KIF6: variants seen among roughly 807,000 people sequenced by gnomAD.
The protein encoded by KIF6 is kinesin-like protein KIF6.
Under a neutral mutation model 112.7 loss-of-function variants are expected in KIF6, and 106 were observed. That is an observed-to-expected ratio of 0.94 (90% CI 0.80 to 1.11). The LOEUF is 1.11. KIF6 is among the 50% of genes least tolerant of loss of function. KIF6 has a pLI of 0.00. For synonymous variants in KIF6, 339 were observed against 339.9 expected (o/e 1.00, Z 0.03); for missense variants, 929 against 964.0 (o/e 0.96, Z 0.48).
chr6:39,364,617 T>C (rs1289590044), intron 16 of KIF6, among the ~76,000 whole-genome samples: 1 of 152,252 alleles, frequency 6.6e-6, no homozygotes, highest in South Asian at 2.1e-4. Flanking sequence ...GGTGAATTAC[T>C]AACAATGACC....
At chr6:39,723,716 G>A (rs1263475659) in intron 1 of KIF6, among the ~76,000 whole-genome samples, 4 of 152,086 alleles carry the variant, frequency 2.6e-5, no homozygotes, top group Non-Finnish European at 5.9e-5. Context: ...CACACAGGGA[G>A]GGGAACATCA....
At chr6:39,532,088 G>A (rs78162714) in intron 13 of KIF6, among the ~76,000 whole-genome samples, 9,960 of 152,138 alleles carry the variant, frequency 0.065, 426 homozygotes, top group Middle Eastern at 0.15. Flanking sequence ...GGTCTTAACC[G>A]GAGGTTGGCT....
chr6:39,473,847 T>C (rs997557129), intron 13 of KIF6, among the ~76,000 whole-genome samples: 5 of 152,208 alleles, frequency 3.3e-5, no homozygotes, highest in African/African-American at 1.2e-4. Context: ...AGGAGCTTCA[T>C]TGATTAATTT....
intron 10 of KIF6, among the ~76,000 whole-genome samples, chr6:39,565,232 T>G (rs1431032182): frequency 1.3e-5 from 2 of 152,260 alleles, no homozygotes; most frequent in African/African-American, 4.8e-5. Context: ...TTCTTTGTGC[T>G]CCTGATCTTT....
At position 39,436,706 on chromosome 6, in the gene KIF6, T is replaced by A. The variant is rs543007051; in HGVS notation, c.1646-5545A>T. Among the ~76,000 whole-genome samples, 29 of 152,318 alleles carry A rather than the reference T, an allele frequency of 1.9e-4. No individual in the cohort carries two copies. In the South Asian group the frequency reaches 2.7e-3, roughly 14 times the overall value. On this transcript the variant is annotated intron_variant, in intron 13 of 22. Coordinates refer to ENST00000287152, the MANE Select transcript of KIF6 (RefSeq NM_145027.6). Reference sequence around the variant, plus strand: ...ATTTGCTTTATTTCTGCATTCTCTATTCTGTTCCATTGGTCTGTGTGTCTA... The same window carrying A: ...ATTTGCTTTATTTCTGCATTCTCTAATCTGTTCCATTGGTCTGTGTGTCTA...
intron 3 of KIF6, among the ~76,000 whole-genome samples, chr6:39,640,645 C>A (rs186862793): frequency 6.6e-6 from 1 of 152,136 alleles, no homozygotes; most frequent in South Asian, 2.1e-4. Context: ...GAATTCCTCC[C>A]TATTAGTTCT....
At chr6:39,720,158 G>A (rs777058393) in intron 2 of KIF6, among the ~76,000 whole-genome samples, 22 of 151,972 alleles carry the variant, frequency 1.4e-4, no homozygotes, top group Non-Finnish European at 2.1e-4. Flanking sequence ...TTTCCTTCAT[G>A]CTAAGTCTTC....
At chr6:39,365,916 T>C (rs1765524977) in intron 16 of KIF6, among the ~76,000 whole-genome samples, 1 of 152,050 alleles carries the variant, frequency 6.6e-6, no homozygotes, top group Non-Finnish European at 1.5e-5. Context: ...CAGCAGAAGG[T>C]AGGGGGGACG....
intron 10 of KIF6, among the ~76,000 whole-genome samples, chr6:39,565,498 T>C (rs754987196): frequency 4.9e-4 from 75 of 152,184 alleles, no homozygotes; most frequent in Admixed American, 1.8e-3. Flanking sequence ...TAAATCTCAA[T>C]ACCTCCTCTT....
chr6:39,527,886 T>C (rs1056660816), intron 13 of KIF6, among the ~76,000 whole-genome samples: 8 of 152,236 alleles, frequency 5.3e-5, no homozygotes, highest in Non-Finnish European at 1.0e-4. Context: ...AGGTACAAAG[T>C]GATGTCATGA....
chr6:39,398,749 G>A (rs1370632473), intron 15 of KIF6, among the ~76,000 whole-genome samples: 1 of 152,200 alleles, frequency 6.6e-6, no homozygotes, highest in Non-Finnish European at 1.5e-5. Flanking sequence ...CAGAGCTAGA[G>A]ATTAAAAAAT....
intron 13 of KIF6, among the ~76,000 whole-genome samples, chr6:39,456,783 C>T (rs1436912467): frequency 8.6e-6 from 1 of 115,934 alleles, no homozygotes; most frequent in Non-Finnish European, 1.7e-5. Context: ...AAGGCCATTA[C>T]ATAATGGTAA....
At chr6:39,695,137 C>A (rs1216342469) in intron 3 of KIF6, among the ~76,000 whole-genome samples, 1 of 152,050 alleles carries the variant, frequency 6.6e-6, no homozygotes, top group Admixed American at 6.6e-5. Flanking sequence ...TCAAACTGGA[C>A]CCCTACCTCT....
chr6:39,458,352 G>A lies in KIF6; in HGVS notation c.1646-27191C>T, dbSNP rs1773275960. Among the ~76,000 whole-genome samples the A allele has an allele frequency of 6.8e-5, 10 of 146,960 alleles. No homozygotes were observed. The South Asian group carries it at 2.1e-3, about 30-fold the overall frequency. On this transcript the variant is annotated intron_variant, in intron 13 of 22. Coordinates refer to ENST00000287152, the MANE Select transcript of KIF6 (RefSeq NM_145027.6). ...CATGCTAAAAACTCTCAATAAATTA[G>A]GTATTGATGGGACGTATTTCAAAAT...
At chr6:39,440,097 G>T (rs976611546) in intron 13 of KIF6, among the ~76,000 whole-genome samples, 4 of 152,174 alleles carry the variant, frequency 2.6e-5, no homozygotes, top group Non-Finnish European at 5.9e-5. Context: ...AGAGAGGGAT[G>T]AGAAGAAGAC....
chr6:39,572,817 C>T (rs1157491925), intron 10 of KIF6, among the ~76,000 whole-genome samples: 3 of 150,508 alleles, frequency 2.0e-5, no homozygotes, highest in Non-Finnish European at 3.0e-5. Context: ...GCCACCCCAC[C>T]CCCCAAAAAA....
rs1781068577 is a variant in KIF6 at position 39,578,065 on chromosome 6, T to C, written c.1172A>G (p.Glu391Gly). ...AAGTCTGCAGACTTACTGAAGGAGC[T>C]CTGCTTCTGTGAGTGCCTCTGTCCT... ...EQRTEALTEA[E>G]LLQLEKLITS... is the part of the protein sequence containing the mutation. Residue 391 changes from glutamate to glycine, a missense_variant, in exon 10 of 23, where the codon GAG becomes GGG. Glu to Gly is a moderately conservative substitution (Grantham distance 98, BLOSUM62 -2). Transcript: ENST00000287152. The C allele has an allele frequency of 6.2e-7, 1 of 1,611,220 alleles. No individual in the cohort carries two copies. The highest frequency in any genetic ancestry group is 8.5e-7 in the Non-Finnish European group (1 of 1,177,762).
chr6:39,636,392 AT>A (rs201699128), intron 4 of KIF6, among the ~76,000 whole-genome samples: 1 of 151,752 alleles, frequency 6.6e-6, no homozygotes, highest in South Asian at 2.1e-4. Flanking sequence ...TTACCAAGCA[AT>A]TTTTTTTCAG....
intron 19 of KIF6, among the ~76,000 whole-genome samples, chr6:39,355,843 T>A (rs964354060): frequency 1.3e-5 from 2 of 151,956 alleles, no homozygotes; most frequent in Non-Finnish European, 2.9e-5. Context: ...AGATAGTGCA[T>A]GGAGATCCCA....
Sources: allele counts gnomAD v4.1 joint callset (sites outside exome capture counted in the v4.1 genomes callset), GRCh38; gene constraint gnomAD v4.1.1; transcripts MANE v1.5; gene names NCBI Gene and HGNC (gene_info 2026-07-23, HGNC 2026-07-21).